CYTH4: variants seen among roughly 807,000 people sequenced by gnomAD.
CYTH4 encodes cytohesin 4.
In CYTH4, 22 loss-of-function variants were observed where a neutral mutation model predicts 57.5. The observed-to-expected ratio is 0.38, with a 90% CI of 0.27 to 0.55. The LOEUF is 0.55. Among genes scored for constraint, CYTH4 ranks in the 20% least tolerant of loss-of-function variants. The probability of loss-of-function intolerance (pLI) is 0.74; values close to 1 mark genes in which losing one functional copy is unlikely to be tolerated. For synonymous variants in CYTH4, 186 were observed against 206.5 expected (o/e 0.90, Z 0.85); for missense variants, 420 against 535.6 (o/e 0.78, Z 2.13).
intron 5 of CYTH4, among the ~76,000 whole-genome samples, chr22:37,299,006 G>A (rs1929079374): frequency 1.3e-5 from 2 of 152,152 alleles, no homozygotes; most frequent in South Asian, 2.1e-4. Flanking sequence ...CCAGACCAGC[G>A]CTGGTGAGCC....
chr22:37,308,873 CGT>C (rs1569112027), intron 8 of CYTH4, among the ~76,000 whole-genome samples: 2 of 46,658 alleles, frequency 4.3e-5, no homozygotes, highest in African/African-American at 5.8e-5. Context: ...CATACATGTG[CGT>C]GTGTGTGCAC....
At position 37,311,144 on chromosome 22, in the gene CYTH4, G is replaced by C. The variant is rs1017422234; in HGVS notation, c.885+80G>C. On this transcript the variant is annotated intron_variant, in intron 10 of 12. Transcript: ENST00000248901. This position sits in a 1 kb window ranked among gnomAD's most constrained non-coding sequence, Gnocchi z 4.4. ...ACTTCCCAACTCCCACTGAGCAGTC[G>C]ACTCACACAGCTTTGGATCCTTTGA... 2.1e-6 allele frequency: 3 copies of C among 1,455,432 alleles called. No homozygotes were observed. In the African/African-American group the frequency reaches 4.2e-5, roughly 20 times the overall value. 90.2% of individuals were successfully genotyped at this position (1,455,432 alleles called of 1,614,324 possible).
At position 37,300,937 on chromosome 22, in the gene CYTH4, C is replaced by T. The variant is rs140901499; in HGVS notation, c.465C>T (p.Gly155=). Residue 155 remains glycine (G), a synonymous_variant, in exon 7 of 13, where the codon GGC becomes GGT. Coordinates refer to ENST00000248901, the MANE Select transcript of CYTH4 (RefSeq NM_013385.5). ...RQFLWSFRLP[G]EAQKIDRMME... Reference sequence around the variant, plus strand: ...TCCTGTGGAGCTTCCGGCTGCCGGGCGAGGCCCAGAAGATAGACCGGATGA... The same window carrying T: ...TCCTGTGGAGCTTCCGGCTGCCGGGTGAGGCCCAGAAGATAGACCGGATGA... 2.5e-3 allele frequency: 3,961 copies of T among 1,614,188 alleles called. 16 individuals carry two copies. Among genetic ancestry groups the T allele is most frequent in the South Asian group, 8.9e-3 (807 of 91,086 alleles).
In CYTH4 at chr22:37,299,211, C is replaced by A; in HGVS notation, c.354-15C>A. ...TCCAAGTGTGTCCCACCCTCCCTTC[C>A]GCCTCCTCCCCCAGGGATCCCATCA... On this transcript the variant is annotated splice_polypyrimidine_tract_variant and intron_variant, in intron 5 of 12. Transcript: ENST00000248901. 6.3e-7 allele frequency: 1 copy of A among 1,587,644 alleles called. No individual in the cohort carries two copies. Among genetic ancestry groups the A allele is most frequent in the Non-Finnish European group, 8.6e-7 (1 of 1,157,336 alleles).
chr22:37,290,474 C>A (rs1928710544), intron 1 of CYTH4, among the ~76,000 whole-genome samples: 1 of 152,104 alleles, frequency 6.6e-6, no homozygotes, highest in Non-Finnish European at 1.5e-5. Flanking sequence ...GTCCTGAAAC[C>A]AGGCAAGGGG....
rs370825132 is a variant in CYTH4, at chr22:37,299,252, A to G, written c.380A>G (p.Gln127Arg). Residue 127 changes from glutamine to arginine, a missense_variant, in exon 6 of 13, where the codon CAG (glutamine) becomes CGG (arginine). Coordinates refer to ENST00000248901, the MANE Select transcript of CYTH4 (RefSeq NM_013385.5). ...GATCCCATCAACCTGCAGGTCCTCC[A>G]GGCCTTCGTGGACTGCCACGAGTTC... ...ERDPINLQVLQAFVDCHEFAN... is the reference protein window; with the variant it reads ...ERDPINLQVLRAFVDCHEFAN... 8 of 1,601,734 alleles carry G rather than the reference A, an allele frequency of 5.0e-6. No individual in the cohort carries two copies. The African/African-American group carries it at 1.1e-4, about 22-fold the overall frequency.
At chr22:37,286,192 G>A (rs998557233) in intron 1 of CYTH4, among the ~76,000 whole-genome samples, 2 of 152,248 alleles carry the variant, frequency 1.3e-5, no homozygotes, top group Non-Finnish European at 2.9e-5. Flanking sequence ...TTTAGCGTCC[G>A]ACGGGTGTTT....
intron 8 of CYTH4, 57 bp from the exon 9 acceptor site, chr22:37,309,155 G>A: frequency 6.5e-7 from 1 of 1,532,718 alleles, no homozygotes; most frequent in African/African-American, 1.4e-5. Flanking sequence ...GCCAGGCCTA[G>A]GCCTTGGACT....
chr22:37,289,286 A>G (rs1268811695), intron 1 of CYTH4, among the ~76,000 whole-genome samples: 3 of 152,178 alleles, frequency 2.0e-5, no homozygotes, highest in South Asian at 2.1e-4. Context: ...ACCACTGCCC[A>G]TGATGCATGG....
rs761700668 is a variant in CYTH4, at chr22:37,309,260, G to A, written c.745G>A (p.Asp249Asn). 1.9e-5 allele frequency: 31 copies of A among 1,614,010 alleles called. No individual in the cohort carries two copies. Among genetic ancestry groups the A allele is most frequent in the African/African-American group, 5.3e-5 (4 of 74,918 alleles). Residue 249 changes from aspartate to asparagine, a missense_variant, in exon 9 of 13, where the codon GAC becomes AAC. Physicochemically the swap from Asp to Asn is conservative, Grantham distance 23 (BLOSUM62 1). Transcript: ENST00000248901. ...KSEPFSIPED[D>N]GNDLTHTFFN... ...TGAGCCATTCTCCATCCCTGAGGAC[G>A]ACGGCAATGACCTCACTCACACCTT...
chr22:37,290,672 C>A (rs1183894326), intron 1 of CYTH4, among the ~76,000 whole-genome samples: 1 of 152,114 alleles, frequency 6.6e-6, no homozygotes, highest in Non-Finnish European at 1.5e-5. Flanking sequence ...CCATGCCTGG[C>A]TAATTTTTTG....
rs76561869 is a variant in CYTH4 at position 37,282,531 on chromosome 22, G to C, written c.-39G>C. ...CCGAACAGCAGCTGGGTCGGCAAGC[G>C]ACAGGAGCACGGGTCATCTTTTCCC... On this transcript the variant is annotated 5_prime_UTR_variant, in exon 1 of 13. Coordinates refer to ENST00000248901, the MANE Select transcript of CYTH4 (RefSeq NM_013385.5). The C allele has an allele frequency of 6.9e-4, 1,109 of 1,613,154 alleles. 6 individuals are homozygous for C. The African/African-American group carries it at 0.013, about 18-fold the overall frequency.
chr22:37,283,882 G>A (rs1349822665), intron 1 of CYTH4, among the ~76,000 whole-genome samples: 2 of 120,048 alleles, frequency 1.7e-5, no homozygotes, highest in Non-Finnish European at 3.7e-5. Context: ...GGTGGGATGA[G>A]GGGGGGAGGG....
intron 6 of CYTH4, chr22:37,300,341 C>T: frequency 2.9e-6 from 2 of 688,222 alleles, no homozygotes; most frequent in South Asian, 1.5e-5. Context: ...CATTCATTCA[C>T]TTATTTACTG....
chr22:37,311,952 T>G lies in CYTH4; in HGVS notation c.958-68T>G. On this transcript the variant is annotated intron_variant, in intron 11 of 12. Transcript: ENST00000248901. The surrounding 1 kb of genome is among the most constrained non-coding windows in gnomAD (Gnocchi z 4.4). ...TCAGGGACACTAGCGTCTGGGCTTC[T>G]CTGAGCCTCCTGGAGGGCCCACCCA... is the stretch of plus-strand genomic sequence containing the variant. The G allele has an allele frequency of 6.4e-7, 1 of 1,572,142 alleles. No homozygotes were observed. Among genetic ancestry groups the G allele is most frequent in the Non-Finnish European group, 8.7e-7 (1 of 1,155,146 alleles).
chr22:37,297,088 G>A (rs746157617), intron 4 of CYTH4, among the ~76,000 whole-genome samples: 17 of 152,220 alleles, frequency 1.1e-4, no homozygotes, highest in Admixed American at 3.9e-4. Context: ...GTCTGCCTCC[G>A]AGCGGTAGGG....
intron 4 of CYTH4, 188 bp downstream of exon 4, chr22:37,296,253 C>CGTGT: frequency 3.2e-6 from 2 of 630,438 alleles, no homozygotes; most frequent in Non-Finnish European, 5.4e-6. Context: ...TACTCCCAGG[C>CGTGT]ATACACGCCT....
chr22:37,303,424 C>G, intron 8 of CYTH4, 22 bp downstream of exon 8: 1 of 1,607,998 alleles, frequency 6.2e-7, no homozygotes, highest in Non-Finnish European at 8.5e-7. Flanking sequence ...GCAGCCCACC[C>G]AGCCTGGCCC....
chr22:37,309,413 C>A, intron 9 of CYTH4, 90 bp downstream of exon 9: 3 of 1,145,988 alleles, frequency 2.6e-6, no homozygotes, highest in African/African-American at 3.0e-5. Flanking sequence ...ACGCACAGGC[C>A]CCCAGCTGAC....
Sources: allele counts gnomAD v4.1 joint callset (sites outside exome capture counted in the v4.1 genomes callset), GRCh38; gene constraint gnomAD v4.1.1; non-coding constraint Gnocchi (gnomAD v3.1); transcripts MANE v1.5; gene names NCBI Gene and HGNC (gene_info 2026-07-23, HGNC 2026-07-21).